TOMM7: variants seen among roughly 807,000 people sequenced by gnomAD.
The protein encoded by TOMM7 is mitochondrial import receptor subunit TOM7 homolog.
TOMM7 carries 8 observed loss-of-function variants against 9.5 expected under a neutral mutation model. The observed-to-expected ratio is 0.84, with a 90% CI of 0.49 to 1.51. The LOEUF (loss-of-function observed/expected upper bound fraction) is 1.51. Ranked by LOEUF, TOMM7 falls within the 40% of genes most tolerant of loss-of-function variation. The pLI, the probability that TOMM7 is intolerant of heterozygous loss-of-function variation, is 0.00. For synonymous variants in TOMM7, 27 were observed against 21.4 expected, an observed-to-expected ratio of 1.26 and a Z score of -0.72; for missense variants, 74 against 63.7, an observed-to-expected ratio of 1.16 and a Z score of -0.55.
intron 2 of TOMM7, among the ~76,000 whole-genome samples, chr7:22,814,249 C>T (rs1782288261): frequency 6.6e-6 from 1 of 150,508 alleles, no homozygotes; most frequent in Non-Finnish European, 1.5e-5. Flanking sequence ...ACTCAGGAGG[C>T]TGAGGCAGGA....
chr7:22,815,094 G>T (rs137950196), intron 2 of TOMM7, among the ~76,000 whole-genome samples: 151 of 152,172 alleles, frequency 9.9e-4, no homozygotes, highest in African/African-American at 3.4e-3. Flanking sequence ...GCCTCTGGAG[G>T]GAAACCAGAA....
intron 1 of TOMM7, among the ~76,000 whole-genome samples, chr7:22,820,882 C>T (rs971163955): frequency 2.0e-5 from 3 of 152,184 alleles, no homozygotes; most frequent in African/African-American, 7.2e-5. Context: ...TATCAGTTGG[C>T]TTGCAACTCA....
chr7:22,819,117 A>G (rs980056079), intron 1 of TOMM7, among the ~76,000 whole-genome samples: 1 of 152,190 alleles, frequency 6.6e-6, no homozygotes, highest in African/African-American at 2.4e-5. Flanking sequence ...TATATCTTTT[A>G]CCATTTAAAA....
chr7:22,817,600 C>T (rs1782333142), intron 2 of TOMM7: 1 of 182,188 alleles, frequency 5.5e-6, no homozygotes, highest in South Asian at 1.0e-4. Context: ...AATTGAAAAA[C>T]CTATGTAAAC....
intron 1 of TOMM7, among the ~76,000 whole-genome samples, chr7:22,821,574 C>A (rs1017371161): frequency 6.6e-6 from 1 of 151,936 alleles, no homozygotes; most frequent in Non-Finnish European, 1.5e-5. Context: ...ATAAGCAAAA[C>A]CCCGTCTCTA....
At chr7:22,814,812 C>T (rs1390880964) in intron 2 of TOMM7, among the ~76,000 whole-genome samples, 1 of 152,106 alleles carries the variant, frequency 6.6e-6, no homozygotes, top group Non-Finnish European at 1.5e-5. Context: ...GCAAGGGAAA[C>T]AAACTAGTAG....
chr7:22,813,675 G>GT (rs1782278302), intron 2 of TOMM7, among the ~76,000 whole-genome samples: 1 of 151,614 alleles, frequency 6.6e-6, no homozygotes, highest in South Asian at 2.1e-4. Flanking sequence ...AGAGTGCGAT[G>GT]TGGCCTAAGT....
At chr7:22,813,223 C>T (rs1317682383) in intron 2 of TOMM7, 38 bp from the exon 3 acceptor site, 18 of 1,594,600 alleles carry the variant, frequency 1.1e-5, no homozygotes, top group South Asian at 4.5e-5. Context: ...AATTAAATTC[C>T]GAAATAAAAA....
intron 1 of TOMM7, among the ~76,000 whole-genome samples, chr7:22,818,581 G>A (rs1039124994): frequency 1.3e-5 from 2 of 151,960 alleles, no homozygotes; most frequent in East Asian, 1.9e-4. Context: ...ATGCCCCGAC[G>A]AAAACAAACA....
intron 1 of TOMM7, among the ~76,000 whole-genome samples, chr7:22,820,153 C>A (rs1182508247): frequency 6.6e-6 from 1 of 152,088 alleles, no homozygotes; most frequent in African/African-American, 2.4e-5. Context: ...GCCTGGGTAA[C>A]ACAGCAAGAC....
chr7:22,813,118 T>C lies in TOMM7; in HGVS notation c.*52A>G, dbSNP rs1241554603. On this transcript the variant is annotated 3_prime_UTR_variant, in exon 3 of 3. Transcript: ENST00000358435. The stretch of plus-strand genomic sequence containing the variant: ...TCTCTTATCCGAGCCAGAGCACACA[T>C]CTTCCATGCTGTCCGCTGATTGCCT... 3.1e-6 allele frequency: 5 copies of C among 1,603,174 alleles called. No homozygotes were observed.
intron 1 of TOMM7, among the ~76,000 whole-genome samples, chr7:22,821,405 CAAAAAA>C (rs76073004): frequency 4.1e-5 from 5 of 122,944 alleles, no homozygotes; most frequent in African/African-American, 5.6e-5. Context: ...GACCCCGTCT[CAAAAAA>C]AAAAAAAAAA....
chr7:22,822,494 A>G, intron 1 of TOMM7, 183 bp downstream of exon 1: 1 of 714,310 alleles, frequency 1.4e-6, no homozygotes, highest in Admixed American at 2.8e-5. Flanking sequence ...CCATGCAACT[A>G]TAAAGCGATA....
At chr7:22,813,633 C>G (rs1240035066) in intron 2 of TOMM7, among the ~76,000 whole-genome samples, 1 of 151,888 alleles carries the variant, frequency 6.6e-6, no homozygotes, top group Non-Finnish European at 1.5e-5. Flanking sequence ...GGAATTGAGG[C>G]TCTGAGATAG....
At chr7:22,820,593 AAAG>A (rs1262439828) in intron 1 of TOMM7, among the ~76,000 whole-genome samples, 2 of 152,204 alleles carry the variant, frequency 1.3e-5, no homozygotes, top group African/African-American at 4.8e-5. Context: ...AAGGTGGCAC[AAAG>A]AAGGGGAAGA....
intron 1 of TOMM7, among the ~76,000 whole-genome samples, chr7:22,821,997 C>T (rs562105491): frequency 1.3e-5 from 2 of 152,182 alleles, no homozygotes; most frequent in Admixed American, 6.5e-5. Flanking sequence ...GAGACTCTGT[C>T]TTAAAAACAA....
chr7:22,818,299 C>T (rs951321962), intron 1 of TOMM7: 2 of 359,948 alleles, frequency 5.6e-6, no homozygotes, highest in Non-Finnish European at 1.0e-5. Flanking sequence ...GACAGAGTCT[C>T]ACTCTGTCAC....
In TOMM7 at chr7:22,822,717, A is replaced by C; in HGVS notation, c.63T>G (p.Phe21Leu). The C allele has an allele frequency of 6.2e-7, 1 of 1,614,204 alleles. No individual in the cohort carries two copies. The highest frequency in any genetic ancestry group is 8.5e-7 in the Non-Finnish European group (1 of 1,180,036). The change falls in exon 1 of 3, where the codon TTT becomes TTG. Residue 21 changes from phenylalanine (F) to leucine (L), a missense_variant. Transcript: ENST00000358435. ...GAGGGATAAAGCCCCAGCGAATGGC[A>C]AACTGGCTCCCCTTGAAGAGCTGCT... ...RLQQLFKGSQ[F>L]AIRWGFIPLV...
chr7:22,817,277 AC>A (rs1335361441), intron 2 of TOMM7: 8 of 153,702 alleles, frequency 5.2e-5, no homozygotes, highest in African/African-American at 1.9e-4. Context: ...GTTTACACAT[AC>A]CAGCAAGATC....
Sources: gnomAD v4.1 joint callset for allele counts (sites outside exome capture counted in the v4.1 genomes callset) on GRCh38, gnomAD v4.1.1 for gene constraint, MANE v1.5 for transcripts, NCBI Gene and HGNC (gene_info 2026-07-23, HGNC 2026-07-21) for gene names.